The following NPAS3 variants were observed in gnomAD, a reference collection of about 807,000 sequenced individuals.
The protein encoded by NPAS3 is neuronal PAS domain-containing protein 3.
A neutral mutation model predicts 73.1 loss-of-function variants in NPAS3; 14 were observed. The ratio of observed to expected loss-of-function variants is 0.19; its 90% CI spans 0.13 to 0.30. NPAS3 has a LOEUF of 0.30. Among genes scored for constraint, NPAS3 ranks in the 10% least tolerant of loss-of-function variants. The probability of loss-of-function intolerance (pLI) is 1.00; values close to 1 mark genes in which losing one functional copy is unlikely to be tolerated. For missense variants in NPAS3, 1,096 were observed against 1,250.0 expected (o/e 0.88, Z 1.86); for synonymous variants, 620 against 541.5 (o/e 1.14, Z -2.01).
intron 5 of NPAS3, among the ~76,000 whole-genome samples, chr14:33,666,413 C>T (rs1417653550): frequency 6.6e-6 from 1 of 152,200 alleles, no homozygotes; most frequent in African/African-American, 2.4e-5. Context: ...CCTCTGGGTG[C>T]AGACATACTA....
rs1440035528 is a variant in NPAS3, at chr14:33,341,441, TTTTTA to T, written c.386-25735_386-25731del. Among the ~76,000 whole-genome samples, 112 of 152,306 alleles carry T rather than the reference TTTTTA, an allele frequency of 7.4e-4. 1 individual carries two copies. The highest frequency in any genetic ancestry group is 3.4e-3 in the Middle Eastern group (1 of 294). ...CATGACTTTATGGAAAAATTTTATT[TTTTTA>T]TTTTATTTTTTATTTTTTTAAACCA... On this transcript the variant is annotated intron_variant, in intron 3 of 11. Coordinates refer to ENST00000356141, the Ensembl canonical transcript of NPAS3.
At chr14:33,471,762 A>G (rs573059528) in intron 4 of NPAS3, among the ~76,000 whole-genome samples, 4 of 152,220 alleles carry the variant, frequency 2.6e-5, no homozygotes, top group Non-Finnish European at 5.9e-5. Context: ...TGGAGTCCCC[A>G]ACCCCCGGTA....
chr14:33,199,386 A>G (rs2046522567), intron 2 of NPAS3, among the ~76,000 whole-genome samples: 1 of 152,126 alleles, frequency 6.6e-6, no homozygotes, highest in Admixed American at 6.5e-5. Flanking sequence ...TTTTACAAAA[A>G]TTTCCTCCTG....
chr14:33,381,857 T>C (rs2046568449), intron 4 of NPAS3, among the ~76,000 whole-genome samples: 1 of 152,188 alleles, frequency 6.6e-6, no homozygotes, highest in Non-Finnish European at 1.5e-5. Context: ...ATGACATGGC[T>C]CAGCCCTGTT....
chr14:33,092,492 T>C (rs1360100572), intron 2 of NPAS3, among the ~76,000 whole-genome samples: 1 of 152,180 alleles, frequency 6.6e-6, no homozygotes, highest in Non-Finnish European at 1.5e-5. Flanking sequence ...TGGAAGAACA[T>C]TCCATGGTCG....
intron 5 of NPAS3, among the ~76,000 whole-genome samples, chr14:33,582,640 T>G (rs1243701142): frequency 6.6e-6 from 1 of 152,208 alleles, no homozygotes; most frequent in Non-Finnish European, 1.5e-5. Flanking sequence ...TCCTTTTCAT[T>G]TCTCTATTTC....
chr14:33,747,661 G>A (rs937322954), intron 7 of NPAS3, among the ~76,000 whole-genome samples: 5 of 152,236 alleles, frequency 3.3e-5, no homozygotes, highest in Non-Finnish European at 5.9e-5. Flanking sequence ...AACTACCAGT[G>A]AGCAATGGAT....
intron 2 of NPAS3, among the ~76,000 whole-genome samples, chr14:33,169,138 T>A (rs1474259623): frequency 6.6e-6 from 1 of 152,222 alleles, no homozygotes; most frequent in Non-Finnish European, 1.5e-5. Flanking sequence ...GATGGCAAAA[T>A]GATAGCTTTT....
chr14:33,211,466 A>G (rs2047032350), intron 2 of NPAS3, among the ~76,000 whole-genome samples: 3 of 152,162 alleles, frequency 2.0e-5, no homozygotes, highest in Admixed American at 2.0e-4. Flanking sequence ...AGGCAGGAGA[A>G]CCACTTGAAC....
At chr14:33,456,095 G>A (rs997800841) in intron 4 of NPAS3, among the ~76,000 whole-genome samples, 7 of 152,172 alleles carry the variant, frequency 4.6e-5, no homozygotes, top group Non-Finnish European at 7.3e-5. Context: ...GAGAGCTTTG[G>A]ATGGGAGGAA....
At chr14:33,330,045 C>A (rs1042831768) in intron 3 of NPAS3, among the ~76,000 whole-genome samples, 1 of 152,116 alleles carries the variant, frequency 6.6e-6, no homozygotes, top group Non-Finnish European at 1.5e-5. Flanking sequence ...GAGTTCGAGA[C>A]CAGCCTGGCC....
chr14:33,318,377 A>G (rs1240083248), intron 3 of NPAS3, among the ~76,000 whole-genome samples: 1 of 152,136 alleles, frequency 6.6e-6, no homozygotes, highest in African/African-American at 2.4e-5. Context: ...TAAAGTGTAT[A>G]GAGTTTAGCT....
At chr14:33,364,992 T>G (rs1245095928) in intron 3 of NPAS3, among the ~76,000 whole-genome samples, 2 of 150,138 alleles carry the variant, frequency 1.3e-5, no homozygotes, top group Non-Finnish European at 3.0e-5. Flanking sequence ...ATTAGTCCTT[T>G]TTTCTTTTTT....
intron 3 of NPAS3, among the ~76,000 whole-genome samples, chr14:33,294,614 G>T (rs2042222778): frequency 6.6e-6 from 1 of 152,078 alleles, no homozygotes; most frequent in Non-Finnish European, 1.5e-5. Flanking sequence ...AGTATTGTGT[G>T]ATCAGCATGT....
intron 2 of NPAS3, among the ~76,000 whole-genome samples, chr14:33,131,586 A>G (rs373042181): frequency 3.9e-5 from 6 of 152,326 alleles, no homozygotes; most frequent in East Asian, 1.9e-4. Context: ...AGAAACAGCT[A>G]TTAGTTTATA....
At chr14:33,686,146 C>T (rs1406114363) in intron 6 of NPAS3, among the ~76,000 whole-genome samples, 3 of 152,172 alleles carry the variant, frequency 2.0e-5, no homozygotes, top group South Asian at 2.1e-4. Flanking sequence ...CCTACATGGC[C>T]TGCATGAAAA....
intron 7 of NPAS3, among the ~76,000 whole-genome samples, chr14:33,764,191 C>T (rs1353084944): frequency 6.6e-6 from 1 of 152,202 alleles, no homozygotes; most frequent in Non-Finnish European, 1.5e-5. Context: ...GCCTTAACAT[C>T]TTCTCACAGC....
intron 6 of NPAS3, among the ~76,000 whole-genome samples, chr14:33,701,192 T>A (rs1405118640): frequency 6.6e-6 from 1 of 152,254 alleles, no homozygotes; most frequent in Non-Finnish European, 1.5e-5. Flanking sequence ...TTCAAATACA[T>A]GCTCATGTTT....
intron 4 of NPAS3, among the ~76,000 whole-genome samples, chr14:33,480,497 G>GTC (rs1201838828): frequency 1.3e-5 from 2 of 148,796 alleles, no homozygotes; most frequent in East Asian, 2.0e-4. Context: ...CTCTCCGTCT[G>GTC]TCTCTCTCTC....
Sources: allele counts gnomAD v4.1 joint callset (sites outside exome capture counted in the v4.1 genomes callset), GRCh38; gene constraint gnomAD v4.1.1; transcripts MANE v1.5; gene names NCBI Gene and HGNC (gene_info 2026-07-23, HGNC 2026-07-21).